ZFAND3: variants seen among roughly 807,000 people sequenced by gnomAD.
ZFAND3 encodes the protein AN1-type zinc finger protein 3.
A neutral mutation model predicts 29.6 loss-of-function variants in ZFAND3; 10 were observed. That is an observed-to-expected ratio of 0.34 (90% CI 0.21 to 0.57). The LOEUF is 0.57. Among genes scored for constraint, ZFAND3 ranks in the 20% least tolerant of loss-of-function variants. The pLI is 0.86. For synonymous variants in ZFAND3, 128 were observed against 112.6 expected (o/e 1.14, Z -0.87); for missense variants, 230 against 304.5 (o/e 0.76, Z 1.82).
At chr6:38,066,560 C>T (rs2127465334) in intron 3 of ZFAND3, among the ~76,000 whole-genome samples, 1 of 152,272 alleles carries the variant, frequency 6.6e-6, no homozygotes, top group Non-Finnish European at 1.5e-5. Flanking sequence ...AGTTATGGAT[C>T]CATTGTTATT....
Position 38,072,507 on chromosome 6 carries a change from G to A in ZFAND3, c.296-9885G>A, listed in dbSNP as rs370603217. Among the ~76,000 whole-genome samples, 19 of 152,158 alleles carry A rather than the reference G, an allele frequency of 1.2e-4. No homozygotes were observed. In the East Asian group the frequency reaches 1.5e-3, roughly 12 times the overall value. On this transcript the variant is annotated intron_variant, in intron 3 of 5. Coordinates refer to ENST00000287218, the MANE Select transcript of ZFAND3 (RefSeq NM_021943.3). ...TCTGTCCTTCTCTGTGAAAGTAAAG[G>A]TCATGTAAACAACCACACTTCACAC...
chr6:38,099,435 G>A (rs943355730), intron 4 of ZFAND3, among the ~76,000 whole-genome samples: 38 of 152,086 alleles, frequency 2.5e-4, no homozygotes, highest in African/African-American at 8.7e-4. Flanking sequence ...TATGCACCCC[G>A]TCATTCTGAA....
chr6:37,908,143 T>C (rs1017418656), intron 1 of ZFAND3, among the ~76,000 whole-genome samples: 6 of 152,168 alleles, frequency 3.9e-5, no homozygotes, highest in African/African-American at 1.4e-4. Flanking sequence ...CTTCTTTTTG[T>C]TTGTCCTGTC....
intron 2 of ZFAND3, among the ~76,000 whole-genome samples, chr6:37,976,163 T>C (rs1369092411): frequency 6.6e-6 from 1 of 152,220 alleles, no homozygotes; most frequent in East Asian, 1.9e-4. Context: ...GAAAATAGTA[T>C]GTGATGGTTC....
intron 1 of ZFAND3, among the ~76,000 whole-genome samples, chr6:37,870,601 A>G (rs537686202): frequency 6.6e-4 from 23 of 35,084 alleles, no homozygotes; most frequent in East Asian, 1.1e-3. Flanking sequence ...TCTGTCTCAG[A>G]AAAAAAAAAA....
chr6:37,855,145 A>G (rs1482261724), intron 1 of ZFAND3, among the ~76,000 whole-genome samples: 1 of 133,002 alleles, frequency 7.5e-6, no homozygotes, highest in Non-Finnish European at 1.6e-5. Flanking sequence ...TGGCAATTTA[A>G]TTTTTTTTTT....
At chr6:37,881,651 C>A (rs949358095) in intron 1 of ZFAND3, among the ~76,000 whole-genome samples, 6 of 152,062 alleles carry the variant, frequency 3.9e-5, no homozygotes, top group African/African-American at 1.4e-4. Flanking sequence ...CCAAAAAGTA[C>A]GAGCTATATA....
chr6:37,916,015 C>T (rs1051928812), intron 1 of ZFAND3, among the ~76,000 whole-genome samples: 1 of 151,446 alleles, frequency 6.6e-6, no homozygotes, highest in Admixed American at 6.6e-5. Context: ...GTGATCCGCC[C>T]GCCTCGGCCT....
At chr6:38,100,531 G>A (rs1279295063) in intron 4 of ZFAND3, among the ~76,000 whole-genome samples, 2 of 152,210 alleles carry the variant, frequency 1.3e-5, no homozygotes, top group Non-Finnish European at 2.9e-5. Context: ...TCACTGAAGT[G>A]TACCTACAGG....
At chr6:37,933,980 C>T (rs1410257802) in intron 2 of ZFAND3, among the ~76,000 whole-genome samples, 7 of 151,320 alleles carry the variant, frequency 4.6e-5, no homozygotes, top group East Asian at 1.9e-4. Context: ...CTCCGCCTCC[C>T]GGGTTCAAGT....
chr6:38,006,611 G>A (rs1316106309), intron 2 of ZFAND3, among the ~76,000 whole-genome samples: 1 of 149,362 alleles, frequency 6.7e-6, no homozygotes, highest in African/African-American at 2.5e-5. Flanking sequence ...GAAAACTTCT[G>A]TGTAACACTG....
In ZFAND3 at chr6:37,819,932, C is replaced by T. The variant is rs1763628703; in HGVS notation, c.-14C>T. On this transcript the variant is annotated 5_prime_UTR_variant, in exon 1 of 6. Transcript: ENST00000287218. ...CACCGCTGCCGCCGCCGAGCTCCGC[C>T]GCCGCCGAGCACCATGGGAGACGCT... The T allele has an allele frequency of 8.2e-7, 1 of 1,216,004 alleles. No individual in the cohort carries two copies. The highest frequency in any genetic ancestry group is 1.6e-5 in the African/African-American group (1 of 63,418). The allele number at this position is 1,216,004 out of a possible 1,614,324, so 75.3% of individuals were successfully genotyped here.
chr6:38,133,623 G>A (rs993223983), intron 5 of ZFAND3, among the ~76,000 whole-genome samples: 3 of 151,868 alleles, frequency 2.0e-5, no homozygotes, highest in East Asian at 1.9e-4. Context: ...GGTGGCGGGC[G>A]CCTGTAGTCC....
At chr6:37,820,365 G>C (rs966107192) in intron 1 of ZFAND3, among the ~76,000 whole-genome samples, 1 of 152,228 alleles carries the variant, frequency 6.6e-6, no homozygotes, top group Non-Finnish European at 1.5e-5. Context: ...CCCTTCCGTG[G>C]GCATGTGGAA....
intron 4 of ZFAND3, among the ~76,000 whole-genome samples, chr6:38,088,749 A>T (rs1218161275): frequency 6.6e-6 from 1 of 152,198 alleles, no homozygotes; most frequent in Non-Finnish European, 1.5e-5. Context: ...ATAGACTTGA[A>T]AAAGGATGGT....
chr6:37,948,855 A>G (rs1401087887), intron 2 of ZFAND3, among the ~76,000 whole-genome samples: 4 of 152,248 alleles, frequency 2.6e-5, no homozygotes, highest in African/African-American at 7.2e-5. Context: ...CCAGCCTATC[A>G]TTCTTGGGCA....
intron 1 of ZFAND3, among the ~76,000 whole-genome samples, chr6:37,878,966 G>A (rs1238296626): frequency 3.3e-5 from 5 of 152,146 alleles, no homozygotes; most frequent in Admixed American, 3.3e-4. Context: ...TTCTAGAGCT[G>A]GATTGGATTG....
chr6:37,923,314 A>G (rs1761418906), intron 1 of ZFAND3, among the ~76,000 whole-genome samples: 1 of 152,226 alleles, frequency 6.6e-6, no homozygotes, highest in African/African-American at 2.4e-5. Flanking sequence ...CCCAGCACAC[A>G]GACATGCACA....
intron 1 of ZFAND3, among the ~76,000 whole-genome samples, chr6:37,829,973 A>G (rs1763830965): frequency 6.6e-6 from 1 of 152,234 alleles, no homozygotes; most frequent in African/African-American, 2.4e-5. Flanking sequence ...GTATGTCCCT[A>G]CAAACTGCAT....
Sources: gnomAD v4.1 joint callset for allele counts (sites outside exome capture counted in the v4.1 genomes callset) on GRCh38, gnomAD v4.1.1 for gene constraint, MANE v1.5 for transcripts, NCBI Gene and HGNC (gene_info 2026-07-23, HGNC 2026-07-21) for gene names.